The following SAMD12 variants were observed in gnomAD, a reference collection of about 807,000 sequenced individuals.
The protein encoded by SAMD12 is sterile alpha motif domain containing 12, also known as sterile alpha motif domain-containing protein 12.
A neutral mutation model predicts 15.0 loss-of-function variants in SAMD12; 9 were observed. The ratio of observed to expected loss-of-function variants is 0.60; its 90% CI spans 0.36 to 1.05. The LOEUF is 1.05. Among genes scored for constraint, SAMD12 ranks in the 50% least tolerant of loss-of-function variants. The pLI is 0.01. For missense variants in SAMD12, 230 were observed against 234.2 expected (o/e 0.98, Z 0.12); for synonymous variants, 86 against 90.1 (o/e 0.96, Z 0.25).
At chr8:118,615,532 C>T (rs2131323442) in intron 1 of SAMD12, among the ~76,000 whole-genome samples, 1 of 152,280 alleles carries the variant, frequency 6.6e-6, no homozygotes, top group Non-Finnish European at 1.5e-5. Context: ...GCACCATCTG[C>T]TTGAATGCCT....
chr8:118,463,745 A>T (rs1823504148), intron 2 of SAMD12, among the ~76,000 whole-genome samples: 2 of 152,156 alleles, frequency 1.3e-5, no homozygotes, highest in South Asian at 4.2e-4. Context: ...AACATCCCAC[A>T]CGCTTGGCCT....
chr8:118,479,774 CTTT>C (rs66477123), intron 2 of SAMD12, among the ~76,000 whole-genome samples: 3 of 149,322 alleles, frequency 2.0e-5, no homozygotes, highest in East Asian at 2.0e-4. Flanking sequence ...CCATGATACT[CTTT>C]TTTTTTTTTT....
chr8:118,284,428 G>A (rs912425323), intron 4 of SAMD12: 14 of 452,308 alleles, frequency 3.1e-5, no homozygotes, highest in Non-Finnish European at 4.9e-5. Flanking sequence ...ACAAGTGAGT[G>A]ATTCTGCCTG....
rs181978943 is a variant in SAMD12, at chr8:118,463,746, C to G, written c.193-23785G>C. On this transcript the variant is annotated intron_variant, in intron 2 of 3. Coordinates refer to ENST00000314727, the MANE Select transcript of SAMD12 (RefSeq NM_207506.3). ...TCTGATTAATGACCAACATCCCACACGCTTGGCCTGGGTGGAACCTTTAAA... is the reference window on the plus strand; with the variant it reads ...TCTGATTAATGACCAACATCCCACAGGCTTGGCCTGGGTGGAACCTTTAAA... Among the ~76,000 whole-genome samples, 56 of 152,174 alleles carry G rather than the reference C, an allele frequency of 3.7e-4. No homozygotes were observed. In the East Asian group the frequency reaches 0.011, roughly 29 times the overall value.
At chr8:118,409,446 A>T (rs1402098384) in intron 3 of SAMD12, among the ~76,000 whole-genome samples, 1 of 132,322 alleles carries the variant, frequency 7.6e-6, no homozygotes, top group Non-Finnish European at 1.5e-5. Flanking sequence ...CAACTGCTTC[A>T]CCGCTTTCAT....
chr8:118,197,911 A>AT (rs534565223), intron 4 of SAMD12, among the ~76,000 whole-genome samples: 2 of 151,998 alleles, frequency 1.3e-5, no homozygotes, highest in African/African-American at 2.4e-5. Context: ...TATTCATGAA[A>AT]TTTTTTTTTC....
At chr8:118,321,099 T>C (rs953286109) in intron 4 of SAMD12, among the ~76,000 whole-genome samples, 6 of 90,038 alleles carry the variant, frequency 6.7e-5, no homozygotes, top group African/African-American at 4.3e-4. Context: ...TATAATAACA[T>C]ATATAATATA....
intron 4 of SAMD12, among the ~76,000 whole-genome samples, chr8:118,222,258 G>C (rs1812098978): frequency 6.6e-6 from 1 of 151,998 alleles, no homozygotes; most frequent in Non-Finnish European, 1.5e-5. Context: ...TTTGGTGTTG[G>C]ATATGTATTA....
intron 3 of SAMD12, among the ~76,000 whole-genome samples, chr8:118,399,196 TTTTTC>T (rs1269255536): frequency 4.7e-5 from 4 of 85,576 alleles, no homozygotes; most frequent in African/African-American, 1.9e-4. Flanking sequence ...ATAAATTTTT[TTTTTC>T]TTTTTTTTTT....
At position 118,621,875 on chromosome 8, in the gene SAMD12, C is replaced by G; in HGVS notation, c.-59G>C. The G allele has an allele frequency of 6.4e-7, 1 of 1,570,308 alleles. No individual in the cohort carries two copies. The highest frequency in any genetic ancestry group is 1.1e-5 in the South Asian group (1 of 90,210). On this transcript the variant is annotated 5_prime_UTR_variant, in exon 1 of 4. Coordinates refer to ENST00000314727, the MANE Select transcript of SAMD12 (RefSeq NM_207506.3). ...TCTTGGCCGAGGTACTCCTCCTGCC[C>G]CGCGCTCCCCCCTTCCTCTCGCTTT... is the stretch of plus-strand genomic sequence containing the variant.
intron 4 of SAMD12, among the ~76,000 whole-genome samples, chr8:118,203,536 T>C (rs543982476): frequency 6.6e-6 from 1 of 152,050 alleles, no homozygotes; most frequent in African/African-American, 2.4e-5. Context: ...GGTACTGAGG[T>C]TGGTTTGGAA....
chr8:118,571,408 C>G (rs1006867375), intron 2 of SAMD12, among the ~76,000 whole-genome samples: 2 of 152,208 alleles, frequency 1.3e-5, no homozygotes, highest in African/African-American at 4.8e-5. Context: ...GAAATTCAAG[C>G]TGGCTGCAGA....
At chr8:118,349,532 C>G (rs192470244) in intron 4 of SAMD12, among the ~76,000 whole-genome samples, 14 of 152,328 alleles carry the variant, frequency 9.2e-5, no homozygotes, top group Non-Finnish European at 2.9e-5. Context: ...CTGCTGGCAA[C>G]TTTCCTCAGG....
chr8:118,492,678 CAT>C lies in SAMD12; in HGVS notation c.193-52719_193-52718del, dbSNP rs576206172. ...TCCCCCAGTTATTTAAGAAGAGAAA[CAT>C]ATTTCTTTCTTACCTAACAAAAGCA... is the stretch of plus-strand genomic sequence containing the variant. On this transcript the variant is annotated intron_variant, in intron 2 of 3. Coordinates refer to ENST00000314727, the MANE Select transcript of SAMD12 (RefSeq NM_207506.3). Among the ~76,000 whole-genome samples the C allele has an allele frequency of 2.5e-3, 379 of 152,196 alleles. 3 individuals are homozygous for C. Among genetic ancestry groups the C allele is most frequent in the African/African-American group, 8.9e-3 (371 of 41,540 alleles).
At chr8:118,148,172 C>T in the SAMD12 span, among the ~76,000 whole-genome samples, 27 of 151,978 alleles carry the variant, frequency 1.8e-4, 1 homozygote, top group African/African-American at 6.5e-4. Flanking sequence ...TCAAGTGATC[C>T]ACTCCCCTAG....
At chr8:118,585,833 C>T (rs2460962) in intron 1 of SAMD12, among the ~76,000 whole-genome samples, 101,954 of 151,928 alleles carry the variant, frequency 0.67, 34,820 homozygotes, top group Middle Eastern at 0.75. Flanking sequence ...TAACAGGCTA[C>T]CTGGAATGAA....
chr8:118,350,536 T>C (rs944158329), intron 4 of SAMD12, among the ~76,000 whole-genome samples: 1 of 152,130 alleles, frequency 6.6e-6, no homozygotes, highest in African/African-American at 2.4e-5. Flanking sequence ...TTGAGAATAA[T>C]GAGTTAAAAG....
intron 2 of SAMD12, among the ~76,000 whole-genome samples, chr8:118,460,175 T>C (rs80002975): frequency 0.018 from 2,777 of 152,334 alleles, 90 homozygotes; most frequent in African/African-American, 0.064. Flanking sequence ...CTTTTTCTTC[T>C]ATGAATTACT....
chr8:118,588,104 C>G (rs553096823), intron 1 of SAMD12, among the ~76,000 whole-genome samples: 1 of 152,214 alleles, frequency 6.6e-6, no homozygotes, highest in South Asian at 2.1e-4. Flanking sequence ...CTCTGAAGAC[C>G]TGAGGATGAA....
Sources: allele counts gnomAD v4.1 joint callset (sites outside exome capture counted in the v4.1 genomes callset), GRCh38; gene constraint gnomAD v4.1.1; transcripts MANE v1.5; gene names NCBI Gene and HGNC (gene_info 2026-07-23, HGNC 2026-07-21).